ZNF112: variants seen among roughly 807,000 people sequenced by gnomAD.
The protein encoded by ZNF112 is zinc finger protein 112 (Y14).
In ZNF112, 37 loss-of-function variants were observed where a neutral mutation model predicts 77.7. The ratio of observed to expected loss-of-function variants is 0.48; its 90% CI spans 0.37 to 0.63. The LOEUF is 0.63. Ranked by LOEUF, ZNF112 falls within the 20% of genes least tolerant of loss-of-function variation. The pLI is 0.00. For synonymous variants in ZNF112, 333 were observed against 363.6 expected (o/e 0.92, Z 0.96); for missense variants, 950 against 1,077.4 (o/e 0.88, Z 1.66).
At chr19:44,335,041 C>T (rs1315873998) in intron 3 of ZNF112, among the ~76,000 whole-genome samples, 9 of 152,228 alleles carry the variant, frequency 5.9e-5, no homozygotes, top group Non-Finnish European at 1.0e-4. Flanking sequence ...AGGCACTCAA[C>T]GCCAGCTCAT....
At chr19:44,336,856 A>T (rs991874366) in intron 2 of ZNF112, 138 bp from the exon 3 acceptor site, 2 of 629,006 alleles carry the variant, frequency 3.2e-6, no homozygotes, top group Non-Finnish European at 5.6e-6. Context: ...ACTCACTATA[A>T]GAAACTAACT....
upstream of ZNF112, among the ~76,000 whole-genome samples, chr19:44,359,764 T>C (rs1303967007): frequency 6.6e-6 from 1 of 152,204 alleles, no homozygotes; most frequent in Non-Finnish European, 1.5e-5. Flanking sequence ...CAAACCACTT[T>C]TAAGTAATCC....
Position 44,329,124 on chromosome 19 carries a change from G to A in ZNF112, c.1033C>T (p.Leu345Phe), listed in dbSNP as rs1568659005. 3.1e-6 allele frequency: 5 copies of A among 1,613,900 alleles called. No homozygotes were observed. The highest frequency in any genetic ancestry group is 2.2e-5 in the East Asian group (1 of 44,862). Residue 345 changes from leucine (L) to phenylalanine (F), a missense_variant, in exon 4 of 4, where the codon CTT becomes TTT. By Grantham distance (22) the Leu-to-Phe change is conservative. Around this residue, in one of 3 missense-constraint regions of ZNF112, gnomAD observed 560 missense variants for 557.3 expected, o/e 1.00. Coordinates refer to ENST00000354340, the MANE Select transcript of ZNF112 (RefSeq NM_013380.4). ...TAGGACATCTCACCTGTGTGGATAA[G>A]TTCATAAGTGTTAAGAGGGGAACAG... Reference protein sequence around the residue: ...NHCSPLNTYELIHTGEMSYRH... With the variant: ...NHCSPLNTYEFIHTGEMSYRH...
chr19:44,336,177 CA>C (rs1970361783), intron 3 of ZNF112, among the ~76,000 whole-genome samples: 1 of 152,190 alleles, frequency 6.6e-6, no homozygotes, highest in African/African-American at 2.4e-5. Flanking sequence ...GACAGCTAAG[CA>C]GTTAAAACAG....
At chr19:44,343,401 G>A in intron 1 of ZNF112, 1 of 955,972 alleles carries the variant, frequency 1.0e-6, no homozygotes, top group Non-Finnish European at 1.6e-6. Context: ...CCCAGCAGAT[G>A]TGGCCACACA....
intron 1 of ZNF112, among the ~76,000 whole-genome samples, chr19:44,364,113 T>C (rs868108306): frequency 2.6e-4 from 40 of 152,174 alleles, no homozygotes; most frequent in African/African-American, 8.7e-4. Context: ...TTTCTCCATG[T>C]TGGCCAGGCT....
chr19:44,345,277 G>A (rs1433859463), intron 1 of ZNF112, among the ~76,000 whole-genome samples: 1 of 152,190 alleles, frequency 6.6e-6, no homozygotes, highest in Non-Finnish European at 1.5e-5. Context: ...TTAACCACTA[G>A]GCCATTTGGC....
In ZNF112 at chr19:44,336,670, T is replaced by C. The variant is rs1220171316; in HGVS notation, c.173A>G (p.Glu58Gly). 6.2e-7 allele frequency: 1 copy of C among 1,614,018 alleles called. No homozygotes were observed. The highest frequency in any genetic ancestry group is 8.5e-7 in the Non-Finnish European group (1 of 1,179,968). Residue 58 changes from glutamate (E) to glycine (G), a missense_variant, in exon 3 of 4, where the codon GAA becomes GGA. Glu to Gly is a moderately conservative substitution (Grantham distance 98). Coordinates refer to ENST00000354340, the MANE Select transcript of ZNF112 (RefSeq NM_013380.4). ...TTCTGTCTCCACCATCAAAAGCTTT[T>C]CTTCTCTCTCCAGCTGGGATATTAG... ...PDLISQLERE[E>G]KLLMVETETP...
At chr19:44,330,976 T>G (rs932743825) in intron 3 of ZNF112, among the ~76,000 whole-genome samples, 2 of 152,192 alleles carry the variant, frequency 1.3e-5, no homozygotes, top group Non-Finnish European at 2.9e-5. Context: ...AATACAGACT[T>G]TTACTTTATG....
chr19:44,357,256 TTACC>T (rs924697375), upstream of ZNF112, among the ~76,000 whole-genome samples: 6 of 152,082 alleles, frequency 3.9e-5, no homozygotes, highest in African/African-American at 9.7e-5. Flanking sequence ...AAAGCGGACT[TTACC>T]TACCTACCTA....
At position 44,329,184 on chromosome 19, in the gene ZNF112, A is replaced by C; in HGVS notation, c.973T>G (p.Cys325Gly). ...YQRVHTEEKP[C>G]KCGEYGENFN... is the part of the protein sequence containing the mutation. The stretch of plus-strand genomic sequence containing the variant: ...TTCTCACCATATTCACCACATTTGC[A>C]TGGTTTCTCCTCTGTATGCACTCTC... The change falls in exon 4 of 4, where the codon TGC becomes GGC. Residue 325 changes from cysteine (C) to glycine (G), a missense_variant. Transcript: ENST00000354340. 1 of 1,613,892 alleles carries C rather than the reference A, an allele frequency of 6.2e-7. No individual in the cohort carries two copies.
chr19:44,358,953 G>A (rs956354145), upstream of ZNF112, among the ~76,000 whole-genome samples: 3 of 152,242 alleles, frequency 2.0e-5, no homozygotes, highest in Admixed American at 6.5e-5. Flanking sequence ...TATATCCTGT[G>A]CCTGCCAACC....
chr19:44,343,395 G>T, intron 1 of ZNF112: 1 of 1,013,048 alleles, frequency 9.9e-7, no homozygotes, highest in Non-Finnish European at 1.5e-6. Context: ...CCTTCCCCCA[G>T]CAGATGTGGC....
upstream of ZNF112, among the ~76,000 whole-genome samples, chr19:44,358,245 C>T (rs946390371): frequency 1.3e-5 from 2 of 150,830 alleles, no homozygotes; most frequent in African/African-American, 2.4e-5. Flanking sequence ...AAAATACATA[C>T]GGTTTACATA....
At chr19:44,332,192 C>A (rs559750951) in intron 3 of ZNF112, among the ~76,000 whole-genome samples, 1 of 152,172 alleles carries the variant, frequency 6.6e-6, no homozygotes, top group East Asian at 1.9e-4. Flanking sequence ...AAGACTCTGT[C>A]TCAAAAAAAC....
chr19:44,344,177 T>C (rs986825763), intron 1 of ZNF112, among the ~76,000 whole-genome samples: 2 of 152,148 alleles, frequency 1.3e-5, no homozygotes, highest in African/African-American at 4.8e-5. Flanking sequence ...TGACAAAATC[T>C]CATTGGTGAT....
At chr19:44,362,281 G>GTAAGAGAAAAAGGAGGAA (rs1970862584) in intron 1 of ZNF112, among the ~76,000 whole-genome samples, 1 of 151,946 alleles carries the variant, frequency 6.6e-6, no homozygotes, top group Admixed American at 6.6e-5. Flanking sequence ...AGGAGGAAGA[G>GTAAGAGAAAAAGGAGGAA]TAAGAGAAAA....
chr19:44,333,265 G>GTCT (rs961877136), intron 3 of ZNF112, among the ~76,000 whole-genome samples: 6 of 151,904 alleles, frequency 3.9e-5, no homozygotes, highest in South Asian at 2.1e-4. Context: ...CTTTGTTTAT[G>GTCT]TCTTCTTCTT....
intron 2 of ZNF112, among the ~76,000 whole-genome samples, chr19:44,338,672 A>G (rs1250268099): frequency 6.6e-6 from 1 of 152,224 alleles, no homozygotes; most frequent in Admixed American, 6.5e-5. Flanking sequence ...AGAGAAAGAA[A>G]TGCTGTGGAA....
Sources: gnomAD v4.1 joint callset for allele counts (sites outside exome capture counted in the v4.1 genomes callset) on GRCh38, gnomAD v4.1.1 for gene constraint, gnomAD v4.1.1 regional missense constraint, MANE v1.5 for transcripts, NCBI Gene and HGNC (gene_info 2026-07-23, HGNC 2026-07-21) for gene names.